MIB1: variants seen among roughly 807,000 people sequenced by gnomAD.
The protein encoded by MIB1 is E3 ubiquitin-protein ligase MIB1.
In MIB1, 278 loss-of-function variants were observed where a neutral mutation model predicts 124.5. The observed-to-expected ratio is 2.23, with a 90% CI of 2.02 to 2.47. The LOEUF is 2.47. MIB1 is among the 30% of genes most tolerant of loss of function. The pLI, the probability that MIB1 is intolerant of heterozygous loss-of-function variation, is 0.00. For synonymous variants in MIB1, 446 were observed against 429.4 expected (o/e 1.04, Z -0.48); for missense variants, 957 against 1,254.4 (o/e 0.76, Z 3.58).
upstream of MIB1, among the ~76,000 whole-genome samples, chr18:21,736,045 C>T (rs373086823): frequency 3.9e-5 from 6 of 152,360 alleles, no homozygotes; most frequent in South Asian, 8.3e-4. Context: ...AGACTGCTTC[C>T]TCAAGTGGGT....
chr18:21,718,249 A>C (rs2040698441), intron 1 of MIB1, among the ~76,000 whole-genome samples: 1 of 152,084 alleles, frequency 6.6e-6, no homozygotes. Context: ...GAAAGGGTGG[A>C]TAGGGGGTGA....
chr18:21,796,337 G>A (rs544137077), intron 7 of MIB1, among the ~76,000 whole-genome samples: 1 of 151,728 alleles, frequency 6.6e-6, no homozygotes, highest in Non-Finnish European at 1.5e-5. Flanking sequence ...AGTGGGAGTT[G>A]AGCAATGAGA....
At chr18:21,780,118 G>A (rs915827489) in intron 6 of MIB1, among the ~76,000 whole-genome samples, 10 of 151,886 alleles carry the variant, frequency 6.6e-5, no homozygotes, top group African/African-American at 2.4e-4. Flanking sequence ...TGTTTTTATT[G>A]ATACACAAGA....
chr18:21,705,377 G>A (rs1211609939), intron 1 of MIB1, among the ~76,000 whole-genome samples: 1 of 152,222 alleles, frequency 6.6e-6, no homozygotes, highest in Non-Finnish European at 1.5e-5. Context: ...ATAGCAACCG[G>A]GATTCAATTG....
At chr18:21,765,976 G>T in intron 2 of MIB1, 33 bp downstream of exon 2, 1 of 1,600,824 alleles carries the variant, frequency 6.2e-7, no homozygotes, top group Admixed American at 1.7e-5. Flanking sequence ...TCAACCGAGG[G>T]TTTTTGTTTG....
chr18:21,790,953 C>T (rs1364640622), intron 6 of MIB1, among the ~76,000 whole-genome samples: 1 of 151,918 alleles, frequency 6.6e-6, no homozygotes, highest in Non-Finnish European at 1.5e-5. Context: ...CCTGTAATCC[C>T]AGCACTTTGG....
Position 21,765,872 on chromosome 18 carries a change from A to G in MIB1, c.330A>G (p.Thr110=), listed in dbSNP as rs1385634826. 10 of 1,614,006 alleles carry G rather than the reference A, an allele frequency of 6.2e-6. No individual in the cohort carries two copies. Among genetic ancestry groups the G allele is most frequent in the Non-Finnish European group, 8.5e-6 (10 of 1,179,952 alleles). The stretch of plus-strand genomic sequence containing the variant: ...AGTGTACAAATTATGATTTGTGCAC[A>G]GTGTGTTATCATGGAGATAAACATC... ...CAECTNYDLC[T]VCYHGDKHHL... is the part of the protein sequence containing the mutation. Residue 110 remains threonine, a synonymous_variant, in exon 2 of 21, where the codon ACA becomes ACG. Coordinates refer to ENST00000261537, the MANE Select transcript of MIB1 (RefSeq NM_020774.4).
intron 6 of MIB1, among the ~76,000 whole-genome samples, chr18:21,782,204 C>T (rs1343050217): frequency 6.6e-6 from 1 of 152,268 alleles, no homozygotes; most frequent in Non-Finnish European, 1.5e-5. Context: ...CTCACTGCAA[C>T]CTCTGCCTTC....
intron 1 of MIB1, among the ~76,000 whole-genome samples, chr18:21,733,808 A>G (rs1423428048): frequency 6.6e-6 from 1 of 150,662 alleles, no homozygotes; most frequent in Admixed American, 6.6e-5. Flanking sequence ...CAGGTTCAAG[A>G]GATTCTCCTG....
intron 17 of MIB1, among the ~76,000 whole-genome samples, 182 bp from the exon 18 acceptor site, chr18:21,852,958 G>T (rs2042194237): frequency 6.6e-6 from 1 of 152,180 alleles, no homozygotes. Flanking sequence ...TTAAGCTAGG[G>T]TATATAAAGA....
intron 16 of MIB1, among the ~76,000 whole-genome samples, chr18:21,847,740 G>A (rs77399500): frequency 0.09 from 13,686 of 152,266 alleles, 687 homozygotes; most frequent in Middle Eastern, 0.15. Context: ...GGTGCACTCA[G>A]TATCAGTGGA....
Position 21,849,389 on chromosome 18 carries a change from G to C in MIB1, c.2586+1G>C. Reference sequence around the variant, plus strand: ...AGAACAGGTTCAATCCAGGACAAAGGTAAGATATATTTAATATAGTATTTT... The same window carrying C: ...AGAACAGGTTCAATCCAGGACAAAGCTAAGATATATTTAATATAGTATTTT... On this transcript the variant is annotated splice_donor_variant, in intron 17 of 20. Coordinates refer to ENST00000261537, the MANE Select transcript of MIB1 (RefSeq NM_020774.4). LOFTEE classifies it high-confidence loss of function. 1 of 1,570,578 alleles carries C rather than the reference G, an allele frequency of 6.4e-7. No individual in the cohort carries two copies. Among genetic ancestry groups the C allele is most frequent in the Non-Finnish European group, 8.7e-7 (1 of 1,153,170 alleles).
intron 10 of MIB1, among the ~76,000 whole-genome samples, chr18:21,811,114 A>G (rs2041768617): frequency 6.6e-6 from 1 of 152,180 alleles, no homozygotes; most frequent in Admixed American, 6.6e-5. Context: ...TAAGCACATG[A>G]AAAGATGTTT....
chr18:21,798,881 A>G (rs1364852858), intron 8 of MIB1, among the ~76,000 whole-genome samples: 1 of 152,124 alleles, frequency 6.6e-6, no homozygotes, highest in Non-Finnish European at 1.5e-5. Context: ...AACTATAACT[A>G]TAAATAGTAA....
intron 12 of MIB1, among the ~76,000 whole-genome samples, chr18:21,820,366 T>G (rs1289337428): frequency 6.6e-6 from 1 of 152,228 alleles, no homozygotes; most frequent in Non-Finnish European, 1.5e-5. Context: ...ATCTTCACTT[T>G]GATTTTTATT....
At chr18:21,855,810 G>C (rs1426384749) in intron 18 of MIB1, among the ~76,000 whole-genome samples, 1 of 152,194 alleles carries the variant, frequency 6.6e-6, no homozygotes, top group African/African-American at 2.4e-5. Flanking sequence ...AAATGAACAA[G>C]ACACTTGATA....
At chr18:21,749,591 A>G (rs1264847914) in intron 1 of MIB1, among the ~76,000 whole-genome samples, 3 of 148,660 alleles carry the variant, frequency 2.0e-5, no homozygotes, top group African/African-American at 7.5e-5. Flanking sequence ...TAACTTGTTC[A>G]TATGTATTGT....
intron 1 of MIB1, among the ~76,000 whole-genome samples, chr18:21,728,891 C>T (rs1314386518): frequency 6.6e-6 from 1 of 152,132 alleles, no homozygotes; most frequent in Admixed American, 6.6e-5. Context: ...GTATATAAAA[C>T]TTGAGTTTAT....
Position 21,858,540 on chromosome 18 carries a change from T to C in MIB1, c.2780-6T>C. ...AACTGAAAATCTTTTTAAATCTATA[T>C]TATAGCAAGTGGGAATATTCCAGTA... On this transcript the variant is annotated splice_region_variant and splice_polypyrimidine_tract_variant and intron_variant, in intron 19 of 20. Coordinates refer to ENST00000261537, the MANE Select transcript of MIB1 (RefSeq NM_020774.4). 1 of 1,338,200 alleles carries C rather than the reference T, an allele frequency of 7.5e-7. No individual in the cohort carries two copies. Among genetic ancestry groups the C allele is most frequent in the South Asian group, 1.2e-5 (1 of 82,278 alleles). 82.9% of individuals were successfully genotyped at this position (1,338,200 alleles called of 1,614,324 possible).
Sources: allele counts gnomAD v4.1 joint callset (sites outside exome capture counted in the v4.1 genomes callset), GRCh38; gene constraint gnomAD v4.1.1; transcripts MANE v1.5; gene names NCBI Gene and HGNC (gene_info 2026-07-23, HGNC 2026-07-21).